CACNB4: variants seen among roughly 807,000 people sequenced by gnomAD.
CACNB4 encodes the protein calcium voltage-gated channel auxiliary subunit beta 4, also known as voltage-dependent L-type calcium channel subunit beta-4.
CACNB4 carries 32 observed loss-of-function variants against 71.2 expected under a neutral mutation model. The ratio of observed to expected loss-of-function variants is 0.45; its 90% confidence interval spans 0.34 to 0.60. The LOEUF (loss-of-function observed/expected upper bound fraction) is 0.60. Among genes scored for constraint, CACNB4 ranks in the 20% least tolerant of loss-of-function variants. The pLI is 0.01. For synonymous variants in CACNB4, 231 were observed against 236.9 expected (o/e 0.97, Z 0.23); for missense variants, 464 against 647.9 (o/e 0.72, Z 3.08).
chr2:151,842,994 G>A (rs985444311), intron 12 of CACNB4, among the ~76,000 whole-genome samples: 1 of 152,202 alleles, frequency 6.6e-6, no homozygotes, highest in Non-Finnish European at 1.5e-5. Flanking sequence ...CATGGCAGTG[G>A]TTTCTGCTAC....
intron 12 of CACNB4, among the ~76,000 whole-genome samples, chr2:151,846,429 T>G (rs1261706627): frequency 6.6e-6 from 1 of 152,228 alleles, no homozygotes. Context: ...TCATTAAAAC[T>G]AATGCATATT....
At chr2:152,085,628 C>G (rs954358765) in intron 2 of CACNB4, among the ~76,000 whole-genome samples, 1 of 152,120 alleles carries the variant, frequency 6.6e-6, no homozygotes, top group African/African-American at 2.4e-5. Context: ...GTTCCCTTCT[C>G]AGCTCCCAAA....
chr2:151,978,961 C>T (rs758779579), intron 2 of CACNB4, among the ~76,000 whole-genome samples: 1 of 152,078 alleles, frequency 6.6e-6, no homozygotes, highest in African/African-American at 2.4e-5. Context: ...ACAGCACCCC[C>T]GCCCTCAGCC....
intron 2 of CACNB4, among the ~76,000 whole-genome samples, chr2:152,043,409 A>G (rs1454942111): frequency 6.6e-6 from 1 of 152,106 alleles, no homozygotes; most frequent in Non-Finnish European, 1.5e-5. Flanking sequence ...TGCCACCTCA[A>G]ATTCCTGGGC....
intron 2 of CACNB4, among the ~76,000 whole-genome samples, chr2:152,011,501 C>A (rs998495916): frequency 9.2e-5 from 14 of 152,204 alleles, no homozygotes; most frequent in African/African-American, 3.1e-4. Context: ...GAGCCAAATT[C>A]TTTGAACCCT....
chr2:152,011,696 C>A (rs1157578229), intron 2 of CACNB4, among the ~76,000 whole-genome samples: 2 of 152,212 alleles, frequency 1.3e-5, no homozygotes, highest in Non-Finnish European at 2.9e-5. Flanking sequence ...GAGACAGTCC[C>A]TTGCAGGAAT....
At chr2:152,030,006 A>G (rs1342227371) in intron 2 of CACNB4, among the ~76,000 whole-genome samples, 2 of 152,238 alleles carry the variant, frequency 1.3e-5, no homozygotes, top group East Asian at 3.8e-4. Flanking sequence ...TAACAAGAAA[A>G]GAGCAAATTA....
chr2:151,860,511 T>C, intron 10 of CACNB4, 200 bp downstream of exon 10: 1 of 586,888 alleles, frequency 1.7e-6, no homozygotes, highest in Non-Finnish European at 3.0e-6. Context: ...ATTAGCTAAT[T>C]GACTAAAGCT....
At chr2:152,019,654 C>T (rs1364709284) in intron 2 of CACNB4, among the ~76,000 whole-genome samples, 1 of 151,922 alleles carries the variant, frequency 6.6e-6, no homozygotes, top group Non-Finnish European at 1.5e-5. Context: ...TGATATCTCC[C>T]CAAAAAATGG....
intron 2 of CACNB4, among the ~76,000 whole-genome samples, chr2:151,938,957 C>T (rs1050849420): frequency 1.3e-5 from 2 of 152,216 alleles, no homozygotes; most frequent in African/African-American, 4.8e-5. Context: ...GCTCTGGGAC[C>T]TCTGTCAGAT....
intron 2 of CACNB4, among the ~76,000 whole-genome samples, chr2:151,998,382 G>T (rs528763995): frequency 3.3e-5 from 5 of 149,500 alleles, no homozygotes; most frequent in African/African-American, 1.3e-4. Context: ...GAAAATATGC[G>T]ATAAGTAGAA....
At chr2:151,893,748 T>C (rs1192454621) in intron 2 of CACNB4, among the ~76,000 whole-genome samples, 1 of 152,000 alleles carries the variant, frequency 6.6e-6, no homozygotes, top group Non-Finnish European at 1.5e-5. Flanking sequence ...TACATAAAAA[T>C]CTTAAACATT....
chr2:152,066,057 A>C (rs1686299958), intron 2 of CACNB4, among the ~76,000 whole-genome samples: 1 of 152,222 alleles, frequency 6.6e-6, no homozygotes, highest in Non-Finnish European at 1.5e-5. Context: ...AAGTGGAATA[A>C]AGCCTATACA....
Position 151,931,680 on chromosome 2 carries a change from C to T in CACNB4, c.148-48310G>A, listed in dbSNP as rs143413899. On this transcript the variant is annotated intron_variant, in intron 2 of 13. Transcript: ENST00000539935. ...ACCTCTTTCATCACTCTAGGAAATCCTTCTAGATATTCCTGTAACTGTTAA... is the reference window on the plus strand; with the variant it reads ...ACCTCTTTCATCACTCTAGGAAATCTTTCTAGATATTCCTGTAACTGTTAA... Among the ~76,000 whole-genome samples the T allele has an allele frequency of 1.8e-3, 279 of 152,242 alleles. 1 individual carries two copies. Among genetic ancestry groups the T allele is most frequent in the Middle Eastern group, 6.8e-3 (2 of 294 alleles).
chr2:151,972,694 T>C (rs1243814441), intron 2 of CACNB4: 1 of 142,560 alleles, frequency 7.0e-6, no homozygotes, highest in East Asian at 2.0e-4. Context: ...ACAGGGTTTT[T>C]TTTTGTTTTT....
At chr2:152,086,950 G>A (rs1687692560) in intron 2 of CACNB4, among the ~76,000 whole-genome samples, 1 of 152,052 alleles carries the variant, frequency 6.6e-6, no homozygotes, top group Admixed American at 6.6e-5. Flanking sequence ...GACCAACATG[G>A]AGAAACCCAC....
intron 2 of CACNB4, among the ~76,000 whole-genome samples, chr2:151,939,539 G>T (rs184573349): frequency 2.6e-5 from 4 of 152,180 alleles, no homozygotes; most frequent in Non-Finnish European, 2.9e-5. Flanking sequence ...CCCAGACAAG[G>T]CATCACCCGT....
intron 2 of CACNB4, among the ~76,000 whole-genome samples, chr2:152,071,676 G>A (rs988114793): frequency 6.6e-6 from 1 of 152,260 alleles, no homozygotes; most frequent in South Asian, 2.1e-4. Flanking sequence ...TAGCAATTGG[G>A]CCTATAGTAA....
At chr2:151,972,060 A>G (rs2151732159) in intron 2 of CACNB4, 1 of 108,818 alleles carries the variant, frequency 9.2e-6, no homozygotes, top group Non-Finnish European at 1.9e-5. Flanking sequence ...GTGACACTGG[A>G]CCCAAAGGCA....
Sources: allele counts gnomAD v4.1 joint callset (sites outside exome capture counted in the v4.1 genomes callset), GRCh38; gene constraint gnomAD v4.1.1; transcripts MANE v1.5; gene names NCBI Gene and HGNC (gene_info 2026-07-23, HGNC 2026-07-21).